MGLL: variants seen among roughly 807,000 people sequenced by gnomAD.
MGLL encodes lysophospholipase homolog.
In MGLL, 7 loss-of-function variants were observed where a neutral mutation model predicts 29.1. The ratio of observed to expected loss-of-function variants is 0.24; its 90% confidence interval spans 0.14 to 0.45. The LOEUF is 0.45. Among genes scored for constraint, MGLL ranks in the 20% least tolerant of loss-of-function variants. The pLI is 0.99. For missense variants in MGLL, 356 were observed against 413.6 expected (o/e 0.86, Z 1.21); for synonymous variants, 148 against 168.3 (o/e 0.88, Z 0.93).
At chr3:127,722,344 G>C in intron 4 of MGLL, 86 bp downstream of exon 4, 1 of 1,564,436 alleles carries the variant, frequency 6.4e-7, no homozygotes, top group Non-Finnish European at 8.8e-7. Flanking sequence ...AGAGCAGTGG[G>C]GGGCAGGAAG....
intron 3 of MGLL, among the ~76,000 whole-genome samples, chr3:127,727,704 TAAAAAAAAAA>T (rs1177079179): frequency 2.5e-5 from 2 of 80,712 alleles, no homozygotes; most frequent in African/African-American, 4.8e-5. Context: ...AGAGCAAGGC[TAAAAAAAAAA>T]AAAAAAAAAA....
intron 3 of MGLL, among the ~76,000 whole-genome samples, chr3:127,756,491 C>T (rs552263359): frequency 1.3e-5 from 2 of 152,322 alleles, no homozygotes; most frequent in South Asian, 2.1e-4. Flanking sequence ...TCTAAGCCTG[C>T]TCACCCCATC....
intron 2 of MGLL, among the ~76,000 whole-genome samples, chr3:127,796,075 G>T (rs2077377659): frequency 6.6e-6 from 1 of 152,160 alleles, no homozygotes; most frequent in Non-Finnish European, 1.5e-5. Flanking sequence ...AGAGAACATT[G>T]GAGAAAGCCC....
At chr3:127,807,460 T>A (rs2077585640) in intron 2 of MGLL, among the ~76,000 whole-genome samples, 1 of 152,098 alleles carries the variant, frequency 6.6e-6, no homozygotes, top group Non-Finnish European at 1.5e-5. Flanking sequence ...CTATTCTTTA[T>A]TTCACTAATT....
At chr3:127,786,755 G>A (rs957166585) in intron 2 of MGLL, among the ~76,000 whole-genome samples, 4 of 152,194 alleles carry the variant, frequency 2.6e-5, no homozygotes, top group African/African-American at 7.2e-5. Flanking sequence ...TAACACCACC[G>A]ACCTCAGAGA....
At chr3:127,705,789 A>AAAGAAG (rs780026554) in intron 6 of MGLL, among the ~76,000 whole-genome samples, 13 of 151,308 alleles carry the variant, frequency 8.6e-5, no homozygotes, top group African/African-American at 2.2e-4. Flanking sequence ...AAAAAAAAAA[A>AAAGAAG]AAGAAGAAGA....
Position 127,749,768 on chromosome 3 carries a change from C to T in MGLL, c.263-27202G>A, listed in dbSNP as rs77587514. On this transcript the variant is annotated intron_variant, in intron 3 of 7. Transcript: ENST00000265052. ...CTGACCACTGGCAGTCTGGAGGGAG[C>T]GGGTATGTGGTGCGTGTGTATGTGT... Among the ~76,000 whole-genome samples the T allele has an allele frequency of 6.8e-4, 103 of 152,018 alleles. 1 individual carries two copies. The highest frequency in any genetic ancestry group is 4.0e-4 in the Non-Finnish European group (27 of 68,002).
intron 3 of MGLL, among the ~76,000 whole-genome samples, chr3:127,733,152 C>A (rs2076180839): frequency 6.6e-6 from 1 of 152,124 alleles, no homozygotes; most frequent in Non-Finnish European, 1.5e-5. Flanking sequence ...CGGCTAAAAC[C>A]CACCAAAACC....
At chr3:127,704,232 G>A (rs1486077742) in intron 6 of MGLL, among the ~76,000 whole-genome samples, 1 of 152,092 alleles carries the variant, frequency 6.6e-6, no homozygotes, top group Admixed American at 6.6e-5. Flanking sequence ...TTAACTCAAG[G>A]TGGATTAAAG....
chr3:127,799,205 A>G lies in MGLL; in HGVS notation c.156-17310T>C, dbSNP rs552271515. On this transcript the variant is annotated intron_variant, in intron 2 of 7. Transcript: ENST00000265052. The stretch of plus-strand genomic sequence containing the variant: ...ATCTACGTGCCCCAGAAACTCACCC[A>G]TTATCTCAGCAGGTCCTCCTCCTGG... Among the ~76,000 whole-genome samples, 44 of 152,230 alleles carry G rather than the reference A, an allele frequency of 2.9e-4. No homozygotes were observed. The East Asian group carries it at 7.3e-3, about 25-fold the overall frequency.
chr3:127,811,399 T>C (rs1349544595), intron 2 of MGLL, among the ~76,000 whole-genome samples: 2 of 152,178 alleles, frequency 1.3e-5, no homozygotes, highest in Non-Finnish European at 2.9e-5. Flanking sequence ...AAGAAAAAAC[T>C]TCTGGGAACT....
intron 5 of MGLL, among the ~76,000 whole-genome samples, chr3:127,715,064 C>T (rs1291630069): frequency 2.6e-5 from 4 of 152,274 alleles, no homozygotes; most frequent in Admixed American, 6.5e-5. Flanking sequence ...CATTCATGTG[C>T]GTGGTGAAGT....
intron 6 of MGLL, among the ~76,000 whole-genome samples, chr3:127,704,634 GA>G (rs1182004127): frequency 6.6e-6 from 1 of 152,070 alleles, no homozygotes; most frequent in Admixed American, 6.5e-5. Flanking sequence ...AGAAACACAT[GA>G]AAAAAAGCTC....
intron 6 of MGLL, among the ~76,000 whole-genome samples, chr3:127,703,639 C>T (rs1023983279): frequency 1.3e-5 from 2 of 152,086 alleles, no homozygotes; most frequent in African/African-American, 4.8e-5. Context: ...TTGGATTTGG[C>T]AACAACTTCT....
chr3:127,691,843 C>T lies in MGLL; in HGVS notation c.*355G>A. ...AGGAAGGAGGCGCCTCCAGTTATTG[C>T]AGTCTGGTGTCCTGGGAACACCAGG... On this transcript the variant is annotated 3_prime_UTR_variant, in exon 8 of 8. Transcript: ENST00000265052. 3.3e-6 allele frequency: 1 copy of T among 303,670 alleles called. No individual in the cohort carries two copies. Among genetic ancestry groups the T allele is most frequent in the East Asian group, 9.5e-5 (1 of 10,578 alleles). The allele number at this position is 303,670 out of a possible 1,614,324, so 18.8% of individuals were successfully genotyped here. A position where few individuals can be genotyped will look rare whatever the true frequency, so the allele number is the denominator to read the frequency against.
chr3:127,712,709 G>A (rs1457872655), intron 5 of MGLL: 1 of 152,404 alleles, frequency 6.6e-6, no homozygotes, highest in East Asian at 1.9e-4. Flanking sequence ...ACTGTGCAGG[G>A]GCATGGTGTG....
intron 3 of MGLL, among the ~76,000 whole-genome samples, chr3:127,743,317 A>G (rs1282945479): frequency 6.6e-6 from 1 of 152,182 alleles, no homozygotes; most frequent in Non-Finnish European, 1.5e-5. Context: ...TTCAGGCTGC[A>G]ACTTGAATAT....
rs142343903 is a variant in MGLL, at chr3:127,710,057, G to T, written c.600+519C>A. Among the ~76,000 whole-genome samples, 448 of 152,342 alleles carry T rather than the reference G, an allele frequency of 2.9e-3. 1 individual carries two copies. The highest frequency in any genetic ancestry group is 0.027 in the Middle Eastern group (8 of 294). ...ATCAGTCAGTAAGAATCAGCCCTGA[G>T]ACTTTTGCTGGAAAGAGGTGCTGTT... is the stretch of plus-strand genomic sequence containing the variant. On this transcript the variant is annotated intron_variant, in intron 6 of 7. Transcript: ENST00000265052.
At chr3:127,756,679 T>A (rs770711951) in intron 3 of MGLL, among the ~76,000 whole-genome samples, 3 of 152,260 alleles carry the variant, frequency 2.0e-5, no homozygotes, top group Non-Finnish European at 2.9e-5. Context: ...AGGCCTGGCC[T>A]ATCTCCAGAC....
Sources: allele counts gnomAD v4.1 joint callset (sites outside exome capture counted in the v4.1 genomes callset), GRCh38; gene constraint gnomAD v4.1.1; transcripts MANE v1.5; gene names NCBI Gene and HGNC (gene_info 2026-07-23, HGNC 2026-07-21).